TUBB3: variants seen among roughly 807,000 people sequenced by gnomAD.
TUBB3 encodes tubulin beta-3 chain.
Under a neutral mutation model 37.8 loss-of-function variants are expected in TUBB3, and 17 were observed. The observed-to-expected ratio is 0.45, with a 90% confidence interval of 0.31 to 0.67. The LOEUF is 0.67. Ranked by LOEUF, TUBB3 falls within the 30% of genes least tolerant of loss-of-function variation. The pLI, the probability that TUBB3 is intolerant of heterozygous loss-of-function variation, is 0.07. For missense variants in TUBB3, 262 were observed against 657.9 expected (o/e 0.40, Z 6.58); for synonymous variants, 332 against 278.9 (o/e 1.19, Z -1.90).
chr16:89,935,792 G>C lies in TUBB3; in HGVS notation c.1341G>C (p.Gln447His). ...ACGACGAGGAGGAGTCGGAGGCCCA[G>C]GGCCCCAAGTGAAGCTGCTCGCAGC... ...YEDDEEESEA[Q>H]GPK The change falls in exon 4 of 4, where the codon CAG becomes CAC. Residue 447 changes from glutamine to histidine, a missense_variant. Physicochemically the swap from Gln to His is conservative, Grantham distance 24. Coordinates refer to ENST00000315491, the MANE Select transcript of TUBB3 (RefSeq NM_006086.4). The C allele has an allele frequency of 6.2e-7, 1 of 1,613,172 alleles. No individual in the cohort carries two copies. The highest frequency in any genetic ancestry group is 8.5e-7 in the Non-Finnish European group (1 of 1,179,594).
At position 89,935,847 on chromosome 16, in the gene TUBB3, C is replaced by T. The variant is rs771337176; in HGVS notation, c.*43C>T. On this transcript the variant is annotated 3_prime_UTR_variant, in exon 4 of 4. Transcript: ENST00000315491. ...GTGAGAGGCAGGTGGCGGCCGGGGCCGAAGCCAGCAGTGTCTAAACCCCCG... is the reference window on the plus strand; with the variant it reads ...GTGAGAGGCAGGTGGCGGCCGGGGCTGAAGCCAGCAGTGTCTAAACCCCCG... 3.5e-5 allele frequency: 56 copies of T among 1,584,940 alleles called. No homozygotes were observed. The highest frequency in any genetic ancestry group is 2.3e-4 in the Admixed American group (13 of 55,472).
chr16:89,932,435 C>G (rs1488785610), intron 1 of TUBB3, 136 bp from the exon 2 acceptor site: 1 of 717,764 alleles, frequency 1.4e-6, no homozygotes, highest in Non-Finnish European at 2.5e-6. Context: ...GTGGGGCTCT[C>G]TTCTGAATGG....
At chr16:89,931,355 G>T (rs569815509) in intron 1 of TUBB3, among the ~76,000 whole-genome samples, 8 of 152,208 alleles carry the variant, frequency 5.3e-5, no homozygotes, top group Non-Finnish European at 1.2e-4. Context: ...CTTCATACCC[G>T]TCAGCTCATC....
At chr16:89,934,403 C>T in intron 3 of TUBB3, 1 of 533,320 alleles carries the variant, frequency 1.9e-6, no homozygotes, top group Non-Finnish European at 3.6e-6. Context: ...TGTTTGGGCT[C>T]CTGGCACTGC....
chr16:89,924,490 G>A (rs2030001840), intron 1 of TUBB3, among the ~76,000 whole-genome samples: 1 of 151,976 alleles, frequency 6.6e-6, no homozygotes, highest in African/African-American at 2.4e-5. Context: ...GCTTTGTCAG[G>A]ACCAAGGCCA....
intron 1 of TUBB3, among the ~76,000 whole-genome samples, chr16:89,931,150 TCTC>T (rs2030265851): frequency 6.6e-6 from 1 of 152,084 alleles, no homozygotes; most frequent in Non-Finnish European, 1.5e-5. Flanking sequence ...TTAAAACACA[TCTC>T]CTGTGTCTCC....
intron 2 of TUBB3, 149 bp downstream of exon 2, chr16:89,932,828 CTG>C (rs1322660642): frequency 5.8e-6 from 4 of 694,268 alleles, no homozygotes; most frequent in Non-Finnish European, 1.0e-5. Context: ...GCAGGCGTAA[CTG>C]GATGTCAGGC....
intron 1 of TUBB3, among the ~76,000 whole-genome samples, chr16:89,929,460 G>A (rs1263846400): frequency 1.3e-5 from 2 of 152,172 alleles, no homozygotes; most frequent in African/African-American, 4.8e-5. Flanking sequence ...TAGCAGAGGT[G>A]GTCCATGTCC....
chr16:89,925,320 A>T (rs2030034402), intron 1 of TUBB3, among the ~76,000 whole-genome samples: 1 of 151,842 alleles, frequency 6.6e-6, no homozygotes, highest in Admixed American at 6.6e-5. Flanking sequence ...GGCACGGTGG[A>T]TGAGGAATCT....
chr16:89,930,168 G>A (rs1242116193), intron 1 of TUBB3, among the ~76,000 whole-genome samples: 12 of 150,172 alleles, frequency 8.0e-5, no homozygotes, highest in South Asian at 2.1e-4. Flanking sequence ...GCAGTGGCGC[G>A]ATCTCGACTC....
intron 1 of TUBB3, among the ~76,000 whole-genome samples, chr16:89,927,562 T>C (rs1176281043): frequency 6.6e-6 from 1 of 152,126 alleles, no homozygotes; most frequent in East Asian, 1.9e-4. Flanking sequence ...TTTCTTTTTC[T>C]ATCCTTCTGG....
intron 3 of TUBB3, 131 bp from the exon 4 acceptor site, chr16:89,934,598 G>T: frequency 1.1e-6 from 1 of 901,148 alleles, no homozygotes; most frequent in Admixed American, 2.2e-5. Context: ...GTGCTCAGTG[G>T]GGCCTACTTT....
chr16:89,926,431 C>T (rs975984349), intron 1 of TUBB3, among the ~76,000 whole-genome samples: 8 of 152,272 alleles, frequency 5.3e-5, no homozygotes, highest in Admixed American at 2.6e-4. Flanking sequence ...CGGGGACCCC[C>T]GCTCCCACCT....
At chr16:89,932,498 G>C in intron 1 of TUBB3, 73 bp from the exon 2 acceptor site, 1 of 1,304,252 alleles carries the variant, frequency 7.7e-7, no homozygotes, top group Non-Finnish European at 1.1e-6. Flanking sequence ...AGGGCTAAAA[G>C]GCTTCACAAG....
intron 1 of TUBB3, among the ~76,000 whole-genome samples, chr16:89,926,203 A>AT (rs1555624711): frequency 3.3e-5 from 5 of 151,908 alleles, no homozygotes; most frequent in African/African-American, 2.4e-5. Flanking sequence ...GCAGCGGCGG[A>AT]GGGGGGAGCC....
At chr16:89,929,252 C>T (rs375110159) in intron 1 of TUBB3, among the ~76,000 whole-genome samples, 3 of 152,186 alleles carry the variant, frequency 2.0e-5, no homozygotes, top group African/African-American at 7.2e-5. Context: ...CATGAGCCAC[C>T]ACACCCAGCC....
intron 3 of TUBB3, chr16:89,933,846 A>G (rs1171977948): frequency 1.4e-6 from 1 of 695,832 alleles, no homozygotes; most frequent in African/African-American, 1.8e-5. Context: ...CTGGTGAGAC[A>G]GAACGGGGCC....
chr16:89,931,062 C>T (rs905738183), intron 1 of TUBB3, among the ~76,000 whole-genome samples: 12 of 151,954 alleles, frequency 7.9e-5, no homozygotes, highest in South Asian at 2.1e-4. Context: ...CTCCTGACTT[C>T]GTGATCCACC....
chr16:89,932,466 C>T (rs999199684), intron 1 of TUBB3, 105 bp from the exon 2 acceptor site: 1 of 929,004 alleles, frequency 1.1e-6, no homozygotes, highest in Non-Finnish European at 1.7e-6. Context: ...GGCCGTGGGT[C>T]AAAAGCCCTA....
Sources: gnomAD v4.1 joint callset for allele counts (sites outside exome capture counted in the v4.1 genomes callset) on GRCh38, gnomAD v4.1.1 for gene constraint, MANE v1.5 for transcripts, NCBI Gene and HGNC (gene_info 2026-07-23, HGNC 2026-07-21) for gene names.